Variants in TBC1D17 observed in about 807,000 individuals in gnomAD.
The protein encoded by TBC1D17 is TBC1 domain family, member 17.
Under a neutral mutation model 78.8 loss-of-function variants are expected in TBC1D17, and 69 were observed. That is an observed-to-expected ratio of 0.88 (90% CI 0.72 to 1.07). The LOEUF is 1.07. Ranked by LOEUF, TBC1D17 falls within the 50% of genes least tolerant of loss-of-function variation. TBC1D17 has a pLI of 0.00. For missense variants in TBC1D17, 957 were observed against 861.0 expected (o/e 1.11, Z -1.39); for synonymous variants, 456 against 358.3 (o/e 1.27, Z -3.08).
chr19:49,884,670 T>G lies in TBC1D17; in HGVS notation c.1356T>G (p.Phe452Leu), dbSNP rs767672041. The change falls in exon 13 of 17, where the codon TTT (phenylalanine) becomes TTG (leucine). Residue 452 changes from phenylalanine (F) to leucine (L), a missense_variant. Physicochemically the swap from Phe to Leu is conservative, Grantham distance 22 (BLOSUM62 0). Coordinates refer to ENST00000221543, the MANE Select transcript of TBC1D17 (RefSeq NM_024682.3). ...CGFMELVQGNFEESQETMKRQ... is the reference protein window; with the variant it reads ...CGFMELVQGNLEESQETMKRQ... ...CTTCCGTCCCACAGCAAGGGAACTT[T>G]GAAGAGAGCCAGGAGACCATGAAGC... is the stretch of plus-strand genomic sequence containing the variant. 2.7e-5 allele frequency: 44 copies of G among 1,613,952 alleles called. No homozygotes were observed. Among genetic ancestry groups the G allele is most frequent in the Middle Eastern group, 1.6e-4 (1 of 6,084 alleles).
intron 7 of TBC1D17, 50 bp from the exon 8 acceptor site, chr19:49,882,714 T>TC (rs781007983): frequency 1.4e-6 from 2 of 1,472,946 alleles, no homozygotes; most frequent in South Asian, 1.4e-5. Context: ...CTGGGTTGGG[T>TC]CCCCCCACCA....
Position 49,880,334 on chromosome 19 carries a change from G to C in TBC1D17, c.251G>C (p.Gly84Ala), listed in dbSNP as rs8109661. 6.2e-7 allele frequency: 1 copy of C among 1,614,052 alleles called. No individual in the cohort carries two copies. Among genetic ancestry groups the C allele is most frequent in the Non-Finnish European group, 8.5e-7 (1 of 1,179,996 alleles). ...ASEEEPTFDPGYEPDWAVIST... is the reference protein window; with the variant it reads ...ASEEEPTFDPAYEPDWAVIST... ...GAGGAGGAACCAACCTTTGACCCCGGCTATGAACCTGACTGGGCTGTCATC... is the reference window on the plus strand; with the variant it reads ...GAGGAGGAACCAACCTTTGACCCCGCCTATGAACCTGACTGGGCTGTCATC... Residue 84 changes from glycine to alanine, a missense_variant, in exon 4 of 17, where the codon GGC becomes GCC. Physicochemically the swap from Gly to Ala is moderately conservative, Grantham distance 60. Coordinates refer to ENST00000221543, the MANE Select transcript of TBC1D17 (RefSeq NM_024682.3).
At chr19:49,881,536 G>T in intron 5 of TBC1D17, 61 bp downstream of exon 5, 1 of 1,506,590 alleles carries the variant, frequency 6.6e-7, no homozygotes. Flanking sequence ...GCTGCAGCGT[G>T]ACCCCTCGGG....
intron 13 of TBC1D17, among the ~76,000 whole-genome samples, chr19:49,886,379 G>T (rs2075058646): frequency 6.6e-6 from 1 of 152,192 alleles, no homozygotes; most frequent in Admixed American, 6.5e-5. Context: ...GGACCCCCGG[G>T]GGAGGGAGCT....
intron 13 of TBC1D17, among the ~76,000 whole-genome samples, chr19:49,886,089 G>A (rs2075056470): frequency 6.6e-6 from 1 of 151,690 alleles, no homozygotes; most frequent in African/African-American, 2.4e-5. Flanking sequence ...AGACCAGCCT[G>A]GCCAACATGG....
In TBC1D17 at chr19:49,881,258, G is replaced by C. The variant is rs767618749; in HGVS notation, c.320-10G>C. 12 of 1,609,072 alleles carry C rather than the reference G, an allele frequency of 7.5e-6. No homozygotes were observed. Among genetic ancestry groups the C allele is most frequent in the Non-Finnish European group, 8.5e-6 (10 of 1,177,324 alleles). On this transcript the variant is annotated splice_polypyrimidine_tract_variant and intron_variant, in intron 4 of 16. Transcript: ENST00000221543. ...CACGCGCTTCCCCCAACACAGTGCC[G>C]TCTCCCTAGGTGCAGAGCCCAGCTG...
rs2075009883 is a variant in TBC1D17, at chr19:49,881,252, A to G, written c.320-16A>G. The G allele has an allele frequency of 6.2e-7, 1 of 1,608,116 alleles. No individual in the cohort carries two copies. The highest frequency in any genetic ancestry group is 8.5e-7 in the Non-Finnish European group (1 of 1,176,648). On this transcript the variant is annotated splice_polypyrimidine_tract_variant and intron_variant, in intron 4 of 16. Transcript: ENST00000221543. Reference sequence around the variant, plus strand: ...GCTTCCCACGCGCTTCCCCCAACACAGTGCCGTCTCCCTAGGTGCAGAGCC... The same window carrying G: ...GCTTCCCACGCGCTTCCCCCAACACGGTGCCGTCTCCCTAGGTGCAGAGCC...
In TBC1D17 at chr19:49,884,574, A is replaced by G. The variant is rs759080597; in HGVS notation, c.1344+15A>G. The G allele has an allele frequency of 1.8e-5, 29 of 1,613,864 alleles. No individual in the cohort carries two copies. The highest frequency in any genetic ancestry group is 2.5e-5 in the Non-Finnish European group (29 of 1,179,850). ...TGGAGCTCGTGGTGAGGCTTGGGTC[A>G]GGGGTGGGACACAGGCCTATCGAGC... On this transcript the variant is annotated intron_variant, in intron 12 of 16. Transcript: ENST00000221543.
chr19:49,880,809 G>T (rs778094527), intron 4 of TBC1D17, among the ~76,000 whole-genome samples: 5 of 152,234 alleles, frequency 3.3e-5, no homozygotes, highest in African/African-American at 1.2e-4. Context: ...AGGAAGAGGT[G>T]ATGCTGGAGC....
At chr19:49,880,198 A>C in intron 3 of TBC1D17, 81 bp from the exon 4 acceptor site, 1 of 1,545,780 alleles carries the variant, frequency 6.5e-7, no homozygotes, top group African/African-American at 1.4e-5. Flanking sequence ...TCTTTATTCA[A>C]TGGGGCTATC....
chr19:49,883,206 C>T (rs765623606), intron 9 of TBC1D17, 130 bp downstream of exon 9: 24 of 794,546 alleles, frequency 3.0e-5, no homozygotes, highest in South Asian at 1.1e-4. Context: ...CTGTGGAATA[C>T]GGCAATGATC....
rs1244256776 is a variant in TBC1D17 at position 49,888,715 on chromosome 19, A to C, written c.*91A>C. ...AGGTGTGCTCCGCCGCCCTGCTGATAAGCTGGCTTCATTAAACTGACACTT... is the reference window on the plus strand; with the variant it reads ...AGGTGTGCTCCGCCGCCCTGCTGATCAGCTGGCTTCATTAAACTGACACTT... On this transcript the variant is annotated 3_prime_UTR_variant, in exon 17 of 17. Transcript: ENST00000221543. 57 of 1,218,462 alleles carry C rather than the reference A, an allele frequency of 4.7e-5. No homozygotes were observed. The highest frequency in any genetic ancestry group is 4.4e-6 in the Non-Finnish European group (4 of 898,974). 75.5% of individuals were successfully genotyped at this position (1,218,462 alleles called of 1,614,324 possible).
chr19:49,878,651 C>A, intron 3 of TBC1D17, 79 bp downstream of exon 3: 1 of 1,377,220 alleles, frequency 7.3e-7, no homozygotes, highest in Non-Finnish European at 1.0e-6. Flanking sequence ...GAGGGACCTG[C>A]GTACAATCCC....
At chr19:49,881,186 C>G (rs557104743) in intron 4 of TBC1D17, 82 bp from the exon 5 acceptor site, 5 of 1,301,996 alleles carry the variant, frequency 3.8e-6, no homozygotes, top group Admixed American at 2.1e-5. Context: ...ATGCCTGTGC[C>G]GAAGGAACAT....
At chr19:49,887,165 C>A in intron 13 of TBC1D17, 1 of 394,622 alleles carries the variant, frequency 2.5e-6, no homozygotes. Context: ...TACAGCGTAT[C>A]TAGGAGTGTC....
In TBC1D17 at chr19:49,881,481, C is replaced by T; in HGVS notation, c.527+6C>T. 1 of 1,606,614 alleles carries T rather than the reference C, an allele frequency of 6.2e-7. No homozygotes were observed. Among genetic ancestry groups the T allele is most frequent in the Non-Finnish European group, 8.5e-7 (1 of 1,179,424 alleles). On this transcript the variant is annotated splice_donor_region_variant and intron_variant, in intron 5 of 16. Coordinates refer to ENST00000221543, the MANE Select transcript of TBC1D17 (RefSeq NM_024682.3). ...CGCTACCTGCTGTTGGCCAGGTGAG[C>T]TCTCTCCCAGTGCTGGGCCTTAAAC...
rs1372801162 is a variant in TBC1D17, at chr19:49,882,147, G to T, written c.634G>T (p.Val212Leu). The stretch of plus-strand genomic sequence containing the variant: ...CTTTGACCAGGACAGCTCCAATGTG[G>T]TGTCAGTGAGTGTCCCCAGCAGGAG... ...QLFDQDSSNVVSRFLQDPYST... is the reference protein window; with the variant it reads ...QLFDQDSSNVLSRFLQDPYST... Residue 212 changes from valine (V) to leucine (L), a missense_variant, in exon 6 of 17, where the codon GTG (valine) becomes TTG (leucine). By Grantham distance (32) the Val-to-Leu change is conservative. Transcript: ENST00000221543. 2 of 1,613,970 alleles carry T rather than the reference G, an allele frequency of 1.2e-6. No homozygotes were observed. Among genetic ancestry groups the T allele is most frequent in the East Asian group, 2.2e-5 (1 of 44,902 alleles).
Position 49,887,500 on chromosome 19 carries a change from G to T in TBC1D17, c.1469G>T (p.Cys490Phe). 1 of 1,614,160 alleles carries T rather than the reference G, an allele frequency of 6.2e-7. No homozygotes were observed. The highest frequency in any genetic ancestry group is 1.6e-4 in the Middle Eastern group (1 of 6,062). Residue 490 changes from cysteine (C) to phenylalanine (F), a missense_variant, in exon 14 of 17, where the codon TGC (cysteine) becomes TTC (phenylalanine). By Grantham distance (205) the Cys-to-Phe change is radical (BLOSUM62 -2). Coordinates refer to ENST00000221543, the MANE Select transcript of TBC1D17 (RefSeq NM_024682.3). ...FLDSQDSGSLCFCFRWLLIWF... is the reference protein window; with the variant it reads ...FLDSQDSGSLFFCFRWLLIWF... ...GATTCCCAGGACTCCGGCTCTCTCTGCTTCTGTTTCCGGTGGCTGCTCATC... is the reference window on the plus strand; with the variant it reads ...GATTCCCAGGACTCCGGCTCTCTCTTCTTCTGTTTCCGGTGGCTGCTCATC...
At position 49,884,642 on chromosome 19, in the gene TBC1D17, C is replaced by T. The variant is rs775293305; in HGVS notation, c.1345-17C>T. On this transcript the variant is annotated splice_polypyrimidine_tract_variant and intron_variant, in intron 12 of 16. Coordinates refer to ENST00000221543, the MANE Select transcript of TBC1D17 (RefSeq NM_024682.3). ...CCTCACGGGGTCTGCTCTTTCCCCCCTCCTTCCGTCCCACAGCAAGGGAAC... is the reference window on the plus strand; with the variant it reads ...CCTCACGGGGTCTGCTCTTTCCCCCTTCCTTCCGTCCCACAGCAAGGGAAC... 10 of 1,613,958 alleles carry T rather than the reference C, an allele frequency of 6.2e-6. No homozygotes were observed. Among genetic ancestry groups the T allele is most frequent in the South Asian group, 2.2e-5 (2 of 91,086 alleles).
Sources: allele counts gnomAD v4.1 joint callset (sites outside exome capture counted in the v4.1 genomes callset), GRCh38; gene constraint gnomAD v4.1.1; transcripts MANE v1.5; gene names NCBI Gene and HGNC (gene_info 2026-07-23, HGNC 2026-07-21).